The following PCDHGB3 variants were observed in gnomAD, a reference collection of about 807,000 sequenced individuals.
PCDHGB3 encodes the protein protocadherin gamma subfamily B, 3.
Under a neutral mutation model 59.2 loss-of-function variants are expected in PCDHGB3, and 40 were observed. The ratio of observed to expected loss-of-function variants is 0.68; its 90% CI spans 0.52 to 0.88. PCDHGB3 has a LOEUF of 0.88. PCDHGB3 is among the 40% of genes least tolerant of loss of function. The pLI, the probability that PCDHGB3 is intolerant of heterozygous loss-of-function variation, is 0.00. For synonymous variants in PCDHGB3, 581 were observed against 503.6 expected (o/e 1.15, Z -2.06); for missense variants, 1,309 against 1,187.9 (o/e 1.10, Z -1.50).
intron 1 of PCDHGB3, chr5:141,400,717 G>A: frequency 1.5e-6 from 1 of 672,320 alleles, no homozygotes; most frequent in Non-Finnish European, 2.5e-6. Context: ...TAGCCTTATA[G>A]ATTTACAAAG....
At chr5:141,400,539 T>C (rs1339848826) in intron 1 of PCDHGB3, 7 of 1,613,782 alleles carry the variant, frequency 4.3e-6, no homozygotes, top group African/African-American at 4.0e-5. Context: ...GTTTCATTTA[T>C]GTCTATTCTT....
intron 1 of PCDHGB3, among the ~76,000 whole-genome samples, chr5:141,469,289 A>G (rs2154570270): frequency 6.6e-6 from 1 of 151,932 alleles, no homozygotes; most frequent in South Asian, 2.1e-4. Flanking sequence ...AAAATAAAAC[A>G]AAATAGACTG....
chr5:141,384,252 C>T lies in PCDHGB3; in HGVS notation c.2415+11443C>T, dbSNP rs377503121. ...CAGACACCAACGATAACCCACCCAC[C>T]TTCCCCCACTCATCCTACTCAGTCT... is the stretch of plus-strand genomic sequence containing the variant. On this transcript the variant is annotated intron_variant, in intron 1 of 3. Coordinates refer to ENST00000576222, the MANE Select transcript of PCDHGB3 (RefSeq NM_018924.5). 204 of 1,613,902 alleles carry T rather than the reference C, an allele frequency of 1.3e-4. 1 individual carries two copies. The highest frequency in any genetic ancestry group is 1.5e-4 in the Non-Finnish European group (179 of 1,179,886).
chr5:141,492,492 G>A (rs896538392), intron 1 of PCDHGB3, among the ~76,000 whole-genome samples: 2 of 152,206 alleles, frequency 1.3e-5, no homozygotes, highest in African/African-American at 2.4e-5. Context: ...AGGACCAGGC[G>A]AGGACTCCGG....
At chr5:141,451,926 T>G (rs994841982) in intron 1 of PCDHGB3, among the ~76,000 whole-genome samples, 5 of 151,122 alleles carry the variant, frequency 3.3e-5, no homozygotes, top group Non-Finnish European at 7.4e-5. Context: ...GGAAGGGAGG[T>G]AGGGAGGCAG....
chr5:141,438,597 T>C (rs1343540280), intron 1 of PCDHGB3, among the ~76,000 whole-genome samples: 20 of 38,918 alleles, frequency 5.1e-4, no homozygotes, highest in African/African-American at 1.6e-3. Flanking sequence ...CATACATATA[T>C]ATATATATAT....
chr5:141,402,994 C>A (rs1253121982), intron 1 of PCDHGB3: 1 of 1,613,722 alleles, frequency 6.2e-7, no homozygotes, highest in Non-Finnish European at 8.5e-7. Context: ...GAAGATTAGT[C>A]CTGCTATGCT....
rs1561869034 is a variant in PCDHGB3 at position 141,433,357 on chromosome 5, G to GT, written c.2415+60548_2415+60549insT. On this transcript the variant is annotated intron_variant, in intron 1 of 3. Transcript: ENST00000576222. ...TACAGGTGCAAGCCACCTACTGTCT[G>GT]CCTATCTATCTATCTATCTATCTAT... 125 of 569,056 alleles carry GT rather than the reference G, an allele frequency of 2.2e-4. No homozygotes were observed. In the African/African-American group the frequency reaches 2.4e-3, roughly 11 times the overall value. The allele number at this position is 569,056 out of a possible 1,614,324, so 35.3% of individuals were successfully genotyped here. A position where few individuals can be genotyped will look rare whatever the true frequency, so the allele number is the denominator to read the frequency against.
chr5:141,435,904 C>G (rs967350870), intron 1 of PCDHGB3, among the ~76,000 whole-genome samples: 2 of 152,068 alleles, frequency 1.3e-5, no homozygotes, highest in Admixed American at 6.5e-5. Context: ...TGAAAGACAT[C>G]CAAGGGCTCT....
Position 141,372,797 on chromosome 5 carries a change from CA to C in PCDHGB3, c.2405del (p.Asn802IlefsTer47), listed in dbSNP as rs1769078994. On this transcript the variant is annotated frameshift_variant, in exon 1 of 4. Transcript: ENST00000576222. LOFTEE classifies it high-confidence loss of function. ...ATCCAGAAATGCCTTCTAATTCAGG[CA>C]ATTTGCAAAAGGTGAGTTTCTTCAA... ...DNPEMPSNSGNLQKQAPPNTD... is the reference protein window; with the variant it reads ...DNPEMPSNSGXLQKQAPPNTD... The C allele has an allele frequency of 1.3e-6, 2 of 1,597,434 alleles. No individual in the cohort carries two copies. Among genetic ancestry groups the C allele is most frequent in the Admixed American group, 3.5e-5 (2 of 57,376 alleles).
Position 141,490,850 on chromosome 5 carries a change from G to A in PCDHGB3, c.2416-3957G>A, listed in dbSNP as rs374508743. The A allele has an allele frequency of 7.2e-5, 116 of 1,613,706 alleles. No homozygotes were observed. The highest frequency in any genetic ancestry group is 9.5e-5 in the Non-Finnish European group (112 of 1,179,902). ...ATGCTGCAGATTGTGGTGGGGGTTC[G>A]AGACTCCGGCTCTCCCCCATTGCAT... On this transcript the variant is annotated intron_variant, in intron 1 of 3. Transcript: ENST00000576222. This position sits in a 1 kb window ranked among gnomAD's most constrained non-coding sequence, Gnocchi z 5.4.
rs771681529 is a variant in PCDHGB3 at position 141,486,617 on chromosome 5, C to T, written c.2416-8190C>T. The T allele has an allele frequency of 1.2e-6, 2 of 1,613,602 alleles. No individual in the cohort carries two copies. Among genetic ancestry groups the T allele is most frequent in the Non-Finnish European group, 1.7e-6 (2 of 1,180,036 alleles). On this transcript the variant is annotated intron_variant, in intron 1 of 3. Coordinates refer to ENST00000576222, the MANE Select transcript of PCDHGB3 (RefSeq NM_018924.5). The surrounding 1 kb of genome is among the most constrained non-coding windows in gnomAD (Gnocchi z 5.0). ...GCTTTGCTCCCTTGCAGCCTCTGAC[C>T]CAGACTCTGGCTTGAATGCGCTTAT...
chr5:141,455,107 C>T (rs1027661420), intron 1 of PCDHGB3, among the ~76,000 whole-genome samples: 20 of 151,774 alleles, frequency 1.3e-4, no homozygotes, highest in Non-Finnish European at 2.4e-4. Context: ...CCACTGCGCC[C>T]GGTGGGTCTA....
At chr5:141,383,544 T>A (rs1273578608) in intron 1 of PCDHGB3, 21 of 1,612,498 alleles carry the variant, frequency 1.3e-5, no homozygotes, top group Non-Finnish European at 1.8e-5. Context: ...TCACAGCCTC[T>A]GATGGCGGCG....
intron 1 of PCDHGB3, chr5:141,479,468 T>C (rs1473966646): frequency 1.3e-5 from 2 of 152,248 alleles, no homozygotes; most frequent in African/African-American, 4.8e-5. Context: ...TACAGTGACC[T>C]CTTGGGAGGG....
At chr5:141,460,780 A>G (rs1387522399) in intron 1 of PCDHGB3, among the ~76,000 whole-genome samples, 3 of 152,042 alleles carry the variant, frequency 2.0e-5, no homozygotes, top group Non-Finnish European at 4.4e-5. Context: ...GTATGTATAC[A>G]TATATACACA....
At chr5:141,408,797 C>T (rs965305130) in intron 1 of PCDHGB3, 1 of 1,612,958 alleles carries the variant, frequency 6.2e-7, no homozygotes, top group African/African-American at 1.3e-5. Flanking sequence ...TCTGGAGAAA[C>T]TCCTAGACCG....
intron 1 of PCDHGB3, chr5:141,400,326 T>A: frequency 6.2e-7 from 1 of 1,614,104 alleles, no homozygotes; most frequent in Non-Finnish European, 8.5e-7. Flanking sequence ...AGTCTGGACC[T>A]GTGGTTCCCC....
intron 1 of PCDHGB3, chr5:141,430,515 G>A (rs1016446331): frequency 2.1e-5 from 7 of 340,180 alleles, no homozygotes; most frequent in Admixed American, 1.8e-4. Flanking sequence ...TCAAGATTGT[G>A]CAGTAATTGG....
Sources: allele counts gnomAD v4.1 joint callset (sites outside exome capture counted in the v4.1 genomes callset), GRCh38; gene constraint gnomAD v4.1.1; non-coding constraint Gnocchi (gnomAD v3.1); transcripts MANE v1.5; gene names NCBI Gene and HGNC (gene_info 2026-07-23, HGNC 2026-07-21).